Variants in ANKS1B observed in about 807,000 individuals in gnomAD.
ANKS1B encodes the protein ankyrin repeat and sterile alpha motif domain-containing protein 1B.
Under a neutral mutation model 148.3 loss-of-function variants are expected in ANKS1B, and 36 were observed. That is an observed-to-expected ratio of 0.24 (90% CI 0.19 to 0.32). The LOEUF (loss-of-function observed/expected upper bound fraction) is 0.32. Among genes scored for constraint, ANKS1B ranks in the 10% least tolerant of loss-of-function variants. The pLI is 1.00. For missense variants in ANKS1B, 1,157 were observed against 1,542.6 expected, an observed-to-expected ratio of 0.75 and a Z score of 4.19; for synonymous variants, 542 against 560.8, an observed-to-expected ratio of 0.97 and a Z score of 0.47.
At chr12:99,656,453 T>G (rs2098450267) in intron 8 of ANKS1B, among the ~76,000 whole-genome samples, 1 of 152,064 alleles carries the variant, frequency 6.6e-6, no homozygotes, top group Non-Finnish European at 1.5e-5. Flanking sequence ...GAGAAAAAAG[T>G]TATAAATAGT....
At chr12:99,734,993 C>T (rs1056318768) in intron 8 of ANKS1B, among the ~76,000 whole-genome samples, 3 of 152,134 alleles carry the variant, frequency 2.0e-5, no homozygotes, top group Non-Finnish European at 4.4e-5. Flanking sequence ...ATTCAGTCAC[C>T]CAGCCTAGAA....
chr12:99,572,893 G>A (rs10860468), intron 9 of ANKS1B, among the ~76,000 whole-genome samples: 33,229 of 151,624 alleles, frequency 0.22, 3,807 homozygotes, highest in Middle Eastern at 0.29. Context: ...AATATGTATC[G>A]TGTTTACATT....
intron 10 of ANKS1B, among the ~76,000 whole-genome samples, chr12:99,501,819 A>G (rs12308470): frequency 0.016 from 2,407 of 152,280 alleles, 76 homozygotes; most frequent in African/African-American, 0.055. Flanking sequence ...TACCCTCGCC[A>G]ATGTTTTGGC....
chr12:99,890,616 T>TGTGTGC (rs1350449429), intron 1 of ANKS1B, among the ~76,000 whole-genome samples: 1 of 142,736 alleles, frequency 7.0e-6, no homozygotes, highest in African/African-American at 2.7e-5. Flanking sequence ...TGTGTGTGTG[T>TGTGTGC]GTGTGTGTAT....
At chr12:98,864,507 T>G (rs2099614878) in intron 17 of ANKS1B, among the ~76,000 whole-genome samples, 1 of 152,120 alleles carries the variant, frequency 6.6e-6, no homozygotes, top group Non-Finnish European at 1.5e-5. Context: ...TGAAGTAGAT[T>G]ACTCTTCCTA....
At chr12:99,755,871 A>C (rs573490112) in intron 8 of ANKS1B, among the ~76,000 whole-genome samples, 57 of 152,234 alleles carry the variant, frequency 3.7e-4, no homozygotes, top group African/African-American at 1.1e-3. Context: ...AGGGCATTAC[A>C]TAATGGTAAA....
At chr12:99,475,390 T>C (rs2096302618) in intron 10 of ANKS1B, among the ~76,000 whole-genome samples, 1 of 151,592 alleles carries the variant, frequency 6.6e-6, no homozygotes, top group Non-Finnish European at 1.5e-5. Context: ...TAAACACCTA[T>C]AAATGGAAAT....
At chr12:98,824,572 A>G (rs1052206640) in intron 19 of ANKS1B, among the ~76,000 whole-genome samples, 1 of 152,244 alleles carries the variant, frequency 6.6e-6, no homozygotes, top group Non-Finnish European at 1.5e-5. Flanking sequence ...CATTATCCAC[A>G]TTTTAAAGAC....
At chr12:98,980,687 TA>T (rs1410323279) in intron 17 of ANKS1B, among the ~76,000 whole-genome samples, 1 of 152,196 alleles carries the variant, frequency 6.6e-6, no homozygotes, top group African/African-American at 2.4e-5. Context: ...TTGACTTCCT[TA>T]AAAAATATTA....
chr12:98,853,849 C>T (rs2099546650), intron 17 of ANKS1B, among the ~76,000 whole-genome samples: 1 of 152,200 alleles, frequency 6.6e-6, no homozygotes, highest in Non-Finnish European at 1.5e-5. Context: ...CATTCAGGGT[C>T]TAACTGTTGT....
intron 14 of ANKS1B, among the ~76,000 whole-genome samples, chr12:99,226,021 GTTTC>G (rs765829932): frequency 0.3 from 45,055 of 151,826 alleles, 8,093 homozygotes; most frequent in East Asian, 0.52. Context: ...TTTTACTACC[GTTTC>G]AATGGATTTT....
chr12:99,095,500 A>G (rs2055714374), intron 15 of ANKS1B, among the ~76,000 whole-genome samples: 1 of 152,188 alleles, frequency 6.6e-6, no homozygotes. Context: ...TTGGACCTCC[A>G]ATGATAGATA....
At chr12:99,569,182 T>C (rs2097426599) in intron 9 of ANKS1B, among the ~76,000 whole-genome samples, 1 of 152,238 alleles carries the variant, frequency 6.6e-6, no homozygotes, top group African/African-American at 2.4e-5. Flanking sequence ...TTAAAAAACA[T>C]ATATTGTTAA....
intron 1 of ANKS1B, among the ~76,000 whole-genome samples, chr12:99,904,958 T>C (rs919836709): frequency 1.2e-4 from 19 of 152,230 alleles, no homozygotes; most frequent in African/African-American, 4.6e-4. Context: ...TTAATGGATA[T>C]ACTTCAAATA....
At chr12:99,522,712 T>C (rs1047555212) in intron 9 of ANKS1B, among the ~76,000 whole-genome samples, 1 of 152,208 alleles carries the variant, frequency 6.6e-6, no homozygotes, top group East Asian at 1.9e-4. Context: ...GCTGACAGTA[T>C]GAGTCAGACT....
chr12:99,115,358 T>C (rs537280367), intron 15 of ANKS1B, among the ~76,000 whole-genome samples: 1 of 152,268 alleles, frequency 6.6e-6, no homozygotes, highest in African/African-American at 2.4e-5. Context: ...CTTAGCAAAC[T>C]AATGCAGGAA....
At chr12:99,815,188 C>T (rs1253305152) in intron 2 of ANKS1B, among the ~76,000 whole-genome samples, 2 of 151,694 alleles carry the variant, frequency 1.3e-5, no homozygotes, top group Non-Finnish European at 3.0e-5. Flanking sequence ...TTCTTTGGCT[C>T]AAATTTTACT....
At position 99,374,887 on chromosome 12, in the gene ANKS1B, T is replaced by A. The variant is rs557298841; in HGVS notation, c.1756+24744A>T. ...GAACTATAGATCAATGTAAATTAAA[T>A]AAAAAATTGACTTGGATTCTTGTCC... is the stretch of plus-strand genomic sequence containing the variant. On this transcript the variant is annotated intron_variant, in intron 12 of 26. Coordinates refer to ENST00000683438, the MANE Select transcript of ANKS1B (RefSeq NM_001352186.2). 4.4e-4 allele frequency among the ~76,000 whole-genome samples: 67 copies of A among 152,352 alleles called. No homozygotes were observed. In the East Asian group the frequency reaches 0.012, roughly 28 times the overall value.
At chr12:99,465,929 T>C (rs1007513347) in intron 10 of ANKS1B, among the ~76,000 whole-genome samples, 2 of 152,146 alleles carry the variant, frequency 1.3e-5, no homozygotes, top group Non-Finnish European at 2.9e-5. Context: ...AACCCAGCTC[T>C]GCACCAAGCA....
Sources: gnomAD v4.1 joint callset for allele counts (sites outside exome capture counted in the v4.1 genomes callset) on GRCh38, gnomAD v4.1.1 for gene constraint, MANE v1.5 for transcripts, NCBI Gene and HGNC (gene_info 2026-07-23, HGNC 2026-07-21) for gene names.